The following IGSF21 variants were observed in gnomAD, a reference collection of about 807,000 sequenced individuals.
IGSF21 encodes immunoglobin superfamily member 21, also known as immunoglobulin superfamily member 21.
IGSF21 carries 28 observed loss-of-function variants against 46.8 expected under a neutral mutation model. That is an observed-to-expected ratio of 0.60 (90% CI 0.44 to 0.82). IGSF21 has a LOEUF of 0.82. Ranked by LOEUF, IGSF21 falls within the 40% of genes least tolerant of loss-of-function variation. The probability of loss-of-function intolerance (pLI) is 0.00; values close to 1 mark genes in which losing one functional copy is unlikely to be tolerated. For missense variants in IGSF21, 624 were observed against 665.5 expected (o/e 0.94, Z 0.69); for synonymous variants, 284 against 273.6 (o/e 1.04, Z -0.38).
At chr1:18,118,919 C>A (rs1228040798) in intron 1 of IGSF21, among the ~76,000 whole-genome samples, 1 of 121,088 alleles carries the variant, frequency 8.3e-6, no homozygotes, top group Admixed American at 7.9e-5. Flanking sequence ...TCCCTCCCTC[C>A]CTTCCTTTCT....
At chr1:18,232,635 G>A (rs2084639205) in intron 2 of IGSF21, among the ~76,000 whole-genome samples, 1 of 152,328 alleles carries the variant, frequency 6.6e-6, no homozygotes, top group African/African-American at 2.4e-5. Flanking sequence ...TGAATCCTCT[G>A]TGTGGGTCTT....
At chr1:18,186,581 T>C (rs1016196665) in intron 1 of IGSF21, among the ~76,000 whole-genome samples, 4 of 152,196 alleles carry the variant, frequency 2.6e-5, no homozygotes, top group African/African-American at 9.7e-5. Context: ...TTACCTCCTT[T>C]CTTGTCCTTT....
intron 3 of IGSF21, among the ~76,000 whole-genome samples, chr1:18,315,046 C>G (rs1314278186): frequency 2.6e-5 from 4 of 152,086 alleles, no homozygotes; most frequent in African/African-American, 7.2e-5. Context: ...GAGGGGAGAG[C>G]AGGGACAAGG....
intron 1 of IGSF21, among the ~76,000 whole-genome samples, chr1:18,212,580 C>G (rs1440261022): frequency 6.6e-6 from 1 of 152,210 alleles, no homozygotes; most frequent in East Asian, 1.9e-4. Flanking sequence ...TGAGGGCTAG[C>G]CCGGGGTCTT....
intron 3 of IGSF21, among the ~76,000 whole-genome samples, chr1:18,331,295 T>G (rs1360508576): frequency 1.3e-5 from 2 of 152,134 alleles, no homozygotes; most frequent in African/African-American, 4.8e-5. Flanking sequence ...AAGTTTATTG[T>G]ATCATTCTTA....
intron 2 of IGSF21, among the ~76,000 whole-genome samples, chr1:18,285,142 A>G (rs756314102): frequency 5.9e-5 from 9 of 152,034 alleles, no homozygotes; most frequent in Non-Finnish European, 1.3e-4. Flanking sequence ...TGGAAAACAA[A>G]GAGAAGGAGG....
chr1:18,180,700 A>G (rs1468637073), intron 1 of IGSF21, among the ~76,000 whole-genome samples: 2 of 152,152 alleles, frequency 1.3e-5, no homozygotes, highest in Non-Finnish European at 2.9e-5. Flanking sequence ...ACTATAGCTC[A>G]TACTTACTTA....
chr1:18,146,776 G>T lies in IGSF21; in HGVS notation c.70+38578G>T, dbSNP rs550265706. 3.7e-4 allele frequency among the ~76,000 whole-genome samples: 57 copies of T among 152,084 alleles called. No individual in the cohort carries two copies. In the South Asian group the frequency reaches 7.9e-3, roughly 21 times the overall value. ...TCTTCCACATTTCTCTCTTCATGAC[G>T]CTCTCCCATCTCTGTCTTCATGTTC... On this transcript the variant is annotated intron_variant, in intron 1 of 9. Transcript: ENST00000251296.
chr1:18,161,684 T>C (rs1378469088), intron 1 of IGSF21, among the ~76,000 whole-genome samples: 1 of 152,080 alleles, frequency 6.6e-6, no homozygotes, highest in African/African-American at 2.4e-5. Flanking sequence ...AACAAACACA[T>C]GTTTGAAAGG....
intron 1 of IGSF21, among the ~76,000 whole-genome samples, chr1:18,172,867 C>T (rs1272325554): frequency 6.6e-6 from 1 of 152,188 alleles, no homozygotes; most frequent in South Asian, 2.1e-4. Flanking sequence ...GAAGTCTGCA[C>T]TTTAAAGTGT....
chr1:18,370,387 C>T (rs2086213090), intron 6 of IGSF21, among the ~76,000 whole-genome samples: 1 of 152,108 alleles, frequency 6.6e-6, no homozygotes, highest in Admixed American at 6.5e-5. Context: ...GACCCTGAAA[C>T]AAATGAATAG....
chr1:18,224,668 A>G (rs970365162), intron 1 of IGSF21, among the ~76,000 whole-genome samples: 5 of 152,230 alleles, frequency 3.3e-5, no homozygotes, highest in African/African-American at 1.2e-4. Flanking sequence ...CATAAAGGAA[A>G]GACAGGAAGA....
chr1:18,159,646 A>G lies in IGSF21; in HGVS notation c.70+51448A>G, dbSNP rs1213532114. Among the ~76,000 whole-genome samples the G allele has an allele frequency of 2.8e-5, 4 of 145,436 alleles. No homozygotes were observed. In the East Asian group the frequency reaches 6.1e-4, roughly 22 times the overall value. On this transcript the variant is annotated intron_variant, in intron 1 of 9. Transcript: ENST00000251296. ...CCGTGTGGAACTGTAAACCCATTAA[A>G]CCTCTTTTTCTTTATAAATCACCCA...
At chr1:18,232,285 C>A (rs1354953587) in intron 2 of IGSF21, among the ~76,000 whole-genome samples, 1 of 142,554 alleles carries the variant, frequency 7.0e-6, no homozygotes, top group Non-Finnish European at 1.5e-5. Flanking sequence ...AACTAATCTA[C>A]CCTAGCACTT....
chr1:18,255,498 C>T (rs1014153930), intron 2 of IGSF21, among the ~76,000 whole-genome samples: 1 of 152,096 alleles, frequency 6.6e-6, no homozygotes, highest in Non-Finnish European at 1.5e-5. Flanking sequence ...CATCATGCCC[C>T]TAACTTCCTC....
chr1:18,246,247 GCTGA>G lies in IGSF21; in HGVS notation c.183+18238_183+18241del, dbSNP rs150817210. Among the ~76,000 whole-genome samples, 407 of 152,220 alleles carry G rather than the reference GCTGA, an allele frequency of 2.7e-3. 13 individuals carry two copies. In the East Asian group the frequency reaches 0.069, roughly 26 times the overall value. ...CTTCCTGGGTGAATGTCACTAAGAG[GCTGA>G]TGGCATCTCAGTGCCCAGTGGGCCC... On this transcript the variant is annotated intron_variant, in intron 2 of 9. Coordinates refer to ENST00000251296, the MANE Select transcript of IGSF21 (RefSeq NM_032880.5).
intron 2 of IGSF21, among the ~76,000 whole-genome samples, chr1:18,268,208 T>C (rs780444191): frequency 6.6e-5 from 10 of 152,260 alleles, no homozygotes; most frequent in Non-Finnish European, 1.5e-4. Context: ...CTGATCATTT[T>C]ACAGATGGGA....
intron 2 of IGSF21, among the ~76,000 whole-genome samples, chr1:18,289,313 A>C (rs1367868423): frequency 6.6e-6 from 1 of 152,158 alleles, no homozygotes; most frequent in Non-Finnish European, 1.5e-5. Flanking sequence ...TGGGAGAAAA[A>C]TCCTCACACC....
At chr1:18,167,920 C>G (rs548848436) in intron 1 of IGSF21, among the ~76,000 whole-genome samples, 7 of 152,080 alleles carry the variant, frequency 4.6e-5, no homozygotes, top group Admixed American at 3.9e-4. Context: ...TCCTCCTGCA[C>G]GTTCCTCATT....
Sources: allele counts gnomAD v4.1 joint callset (sites outside exome capture counted in the v4.1 genomes callset), GRCh38; gene constraint gnomAD v4.1.1; transcripts MANE v1.5; gene names NCBI Gene and HGNC (gene_info 2026-07-23, HGNC 2026-07-21).